Variants in MYO16 observed in about 807,000 individuals in gnomAD.
The protein encoded by MYO16 is myosin XVI, also known as unconventional myosin-XVI.
A neutral mutation model predicts 205.3 loss-of-function variants in MYO16; 94 were observed. The observed-to-expected ratio is 0.46, with a 90% CI of 0.39 to 0.54. The LOEUF (loss-of-function observed/expected upper bound fraction) is 0.54, where lower values mean the gene tolerates loss of function less well. MYO16 is among the 20% of genes least tolerant of loss of function. The probability of loss-of-function intolerance (pLI) is 0.00; values close to 1 mark genes in which losing one functional copy is unlikely to be tolerated. For synonymous variants in MYO16, 988 were observed against 954.0 expected (o/e 1.04, Z -0.66); for missense variants, 2,315 against 2,387.5 (o/e 0.97, Z 0.63).
At chr13:108,533,196 T>TG in the MYO16 span, among the ~76,000 whole-genome samples, 1 of 152,152 alleles carries the variant, frequency 6.6e-6, no homozygotes, top group Admixed American at 6.5e-5. Flanking sequence ...AGTAGCAACC[T>TG]GTGTAGTCAA....
chr13:109,187,840 G>C (rs1347758790), intron 34 of MYO16, among the ~76,000 whole-genome samples: 2 of 152,174 alleles, frequency 1.3e-5, no homozygotes, highest in Non-Finnish European at 2.9e-5. Flanking sequence ...CCATTGGGTG[G>C]AGTCTTCTGG....
At chr13:108,798,860 C>T (rs970710874) in intron 6 of MYO16, among the ~76,000 whole-genome samples, 25 of 144,090 alleles carry the variant, frequency 1.7e-4, no homozygotes, top group African/African-American at 5.7e-4. Flanking sequence ...CGCCCGCCAC[C>T]GCGCCCGGCT....
In MYO16 at chr13:108,927,924, G is replaced by A. The variant is rs534678430; in HGVS notation, c.1925+17774G>A. 5.9e-5 allele frequency among the ~76,000 whole-genome samples: 9 copies of A among 152,340 alleles called. No individual in the cohort carries two copies. In the East Asian group the frequency reaches 9.7e-4, roughly 16 times the overall value. On this transcript the variant is annotated intron_variant, in intron 16 of 34. Transcript: ENST00000457511. ...CATGCGCTCTAGGCTGCACCATCTC[G>A]CGCCACCACACTGATTTCCACCAGT...
At chr13:108,734,428 A>G (rs1464910666) in intron 4 of MYO16, among the ~76,000 whole-genome samples, 1 of 152,182 alleles carries the variant, frequency 6.6e-6, no homozygotes, top group African/African-American at 2.4e-5. Context: ...TGCTTATAGA[A>G]CATGTTTAAA....
At chr13:108,759,819 CAAAA>C (rs34991762) in intron 4 of MYO16, among the ~76,000 whole-genome samples, 9 of 123,862 alleles carry the variant, frequency 7.3e-5, no homozygotes, top group African/African-American at 9.0e-5. Flanking sequence ...GACTCCGTCT[CAAAA>C]AAAAAAAAAA....
chr13:108,881,839 C>A (rs553173414), intron 12 of MYO16, among the ~76,000 whole-genome samples: 5 of 152,212 alleles, frequency 3.3e-5, no homozygotes, highest in Non-Finnish European at 4.4e-5. Flanking sequence ...CTGAAAGTGA[C>A]GAGGAGAATG....
chr13:108,960,274 C>CAA (rs369076417), intron 17 of MYO16, among the ~76,000 whole-genome samples: 245 of 127,180 alleles, frequency 1.9e-3, no homozygotes, highest in African/African-American at 4.3e-3. Context: ...AACCCTGTCT[C>CAA]AAAAAAAAAA....
At chr13:108,955,849 TCAAAACAAAA>T (rs764224994) in intron 16 of MYO16, among the ~76,000 whole-genome samples, 11 of 152,088 alleles carry the variant, frequency 7.2e-5, no homozygotes, top group African/African-American at 1.9e-4. Context: ...AGATTCTATC[TCAAAACAAAA>T]CAAAACAAAA....
At chr13:109,146,737 C>T (rs1877349834) in intron 32 of MYO16, among the ~76,000 whole-genome samples, 2 of 151,794 alleles carry the variant, frequency 1.3e-5, no homozygotes, top group South Asian at 4.2e-4. Flanking sequence ...GTGGAGGCTA[C>T]AGTGGCCGTG....
At chr13:108,742,805 A>C (rs1253558282) in intron 4 of MYO16, among the ~76,000 whole-genome samples, 1 of 152,250 alleles carries the variant, frequency 6.6e-6, no homozygotes, top group Non-Finnish European at 1.5e-5. Context: ...AATGCTTGTA[A>C]AATATCCTCA....
intron 32 of MYO16, among the ~76,000 whole-genome samples, chr13:109,155,296 C>T (rs557160179): frequency 6.6e-6 from 1 of 152,050 alleles, no homozygotes; most frequent in Non-Finnish European, 1.5e-5. Context: ...CCCCGCTTAA[C>T]CTGGAGGATA....
chr13:109,098,992 C>T (rs544781008), intron 27 of MYO16, among the ~76,000 whole-genome samples: 1 of 152,266 alleles, frequency 6.6e-6, no homozygotes, highest in East Asian at 1.9e-4. Flanking sequence ...CTAGAATGTT[C>T]GACCTTGAGT....
the MYO16 span, among the ~76,000 whole-genome samples, chr13:108,577,280 G>A: frequency 1.3e-5 from 2 of 152,156 alleles, no homozygotes; most frequent in African/African-American, 4.8e-5. Context: ...TTAGAGGAGG[G>A]AATGGCTAAA....
chr13:109,040,837 C>T (rs1886863307), intron 23 of MYO16, among the ~76,000 whole-genome samples: 1 of 152,104 alleles, frequency 6.6e-6, no homozygotes, highest in Non-Finnish European at 1.5e-5. Flanking sequence ...CCACTCTTAA[C>T]ATAGGCTGCT....
Position 108,856,839 on chromosome 13 carries a change from C to T in MYO16, c.1359+1286C>T, listed in dbSNP as rs1856279. On this transcript the variant is annotated intron_variant, in intron 11 of 34. Transcript: ENST00000457511. ...CCTCCTAACTTTCTAGGGGAGGCTT[C>T]ATCATTCTTTTTCAATCCAATCTCA... Among the ~76,000 whole-genome samples the T allele has an allele frequency of 6.8e-3, 1,029 of 152,268 alleles. 6 individuals carry two copies. The highest frequency in any genetic ancestry group is 0.024 in the African/African-American group (984 of 41,552).
At chr13:108,855,276 G>GT (rs5806761) in intron 10 of MYO16, 167 bp from the exon 11 acceptor site, 14,820 of 314,764 alleles carry the variant, frequency 0.047, 326 homozygotes, top group East Asian at 0.18. Flanking sequence ...TGGCTTTAGA[G>GT]TTTTTTTTTT....
chr13:108,540,832 A>T, the MYO16 span, among the ~76,000 whole-genome samples: 1 of 152,284 alleles, frequency 6.6e-6, no homozygotes, highest in South Asian at 2.1e-4. Context: ...CTACAGGCAG[A>T]ACTATTTTGA....
chr13:109,131,747 C>T (rs1876552864), intron 31 of MYO16, among the ~76,000 whole-genome samples: 2 of 152,210 alleles, frequency 1.3e-5, no homozygotes, highest in Admixed American at 1.3e-4. Context: ...CTCGTTTTCA[C>T]TTCCTCTTGG....
the MYO16 span, among the ~76,000 whole-genome samples, chr13:108,497,429 G>A: frequency 2.0e-5 from 3 of 152,152 alleles, no homozygotes; most frequent in Non-Finnish European, 2.9e-5. Context: ...ACTTTTGTAA[G>A]CATATGAGGT....
Sources: allele counts gnomAD v4.1 joint callset (sites outside exome capture counted in the v4.1 genomes callset), GRCh38; gene constraint gnomAD v4.1.1; transcripts MANE v1.5; gene names NCBI Gene and HGNC (gene_info 2026-07-23, HGNC 2026-07-21).